The following ZFP37 variants were observed in gnomAD, a reference collection of about 807,000 sequenced individuals.
ZFP37 encodes the protein ZFP37 zinc finger protein.
ZFP37 carries 38 observed loss-of-function variants against 52.1 expected under a neutral mutation model. The observed-to-expected ratio is 0.73, with a 90% CI of 0.56 to 0.96. The LOEUF is 0.96. Ranked by LOEUF, ZFP37 falls within the 40% of genes least tolerant of loss-of-function variation. The probability of loss-of-function intolerance (pLI) is 0.00; values close to 1 mark genes in which losing one functional copy is unlikely to be tolerated. For missense variants in ZFP37, 695 were observed against 741.4 expected (o/e 0.94, Z 0.73); for synonymous variants, 253 against 259.5 (o/e 0.98, Z 0.24).
chr9:113,044,116 CAT>C lies in ZFP37; in HGVS notation c.500_501del (p.His167ArgfsTer9). 6.2e-7 allele frequency: 1 copy of C among 1,611,520 alleles called. No homozygotes were observed. The highest frequency in any genetic ancestry group is 8.5e-7 in the Non-Finnish European group (1 of 1,179,434). On this transcript the variant is annotated frameshift_variant, in exon 4 of 4. Transcript: ENST00000374227. LOFTEE classifies it high-confidence loss of function. ...TTAAGAAGCCTTTTCTTTGAAGGAACATGTTTTTTATGCAAATTATTTTTTTT... is the reference window on the plus strand; with the variant it reads ...TTAAGAAGCCTTTTCTTTGAAGGAACGTTTTTTATGCAAATTATTTTTTTT... ...LGKKNNLHKK[H>X]VPSKKRLLKF...
At position 113,056,607 on chromosome 9, in the gene ZFP37, C is replaced by A. The variant is rs749631653; in HGVS notation, c.82G>T (p.Ala28Ser). ...RRRSAETTKE[A>S]GRPLEMAVSE... ...ACAGCCATCTCCAGTGGTCGCCCGG[C>A]CTCTTTGGTCGTTTCCGCACTTCTC... The change falls in exon 1 of 4, where the codon GCC (alanine) becomes TCC (serine). Residue 28 changes from alanine to serine, a missense_variant. By Grantham distance (99) the Ala-to-Ser change is moderately conservative. Coordinates refer to ENST00000374227, the MANE Select transcript of ZFP37 (RefSeq NM_003408.3). 1.2e-6 allele frequency: 2 copies of A among 1,613,988 alleles called. No homozygotes were observed. The highest frequency in any genetic ancestry group is 1.7e-6 in the Non-Finnish European group (2 of 1,180,024).
In ZFP37 at chr9:113,049,487, G is replaced by C. The variant is rs781475245; in HGVS notation, c.224C>G (p.Ala75Gly). 101 of 1,612,778 alleles carry C rather than the reference G, an allele frequency of 6.3e-5. No individual in the cohort carries two copies. Among genetic ancestry groups the C allele is most frequent in the Non-Finnish European group, 8.3e-5 (98 of 1,179,318 alleles). Residue 75 changes from alanine (A) to glycine (G), a missense_variant, in exon 3 of 4, where the codon GCT becomes GGT. Coordinates refer to ENST00000374227, the MANE Select transcript of ZFP37 (RefSeq NM_003408.3). ...YCNQASMGCQ[A>G]PKPDMISKLE... The stretch of plus-strand genomic sequence containing the variant: ...CTTGGAGATCATGTCTGGTTTGGGA[G>C]CTTGACACCCTGCTCATGAGAAATA...
In ZFP37 at chr9:113,049,794, T is replaced by C. The variant is rs1310838876; in HGVS notation, c.211A>G (p.Met71Val). ...ATTACAAAGGAATTGTTCTTACCCA[T>C]TGAGGCTTGGTTGCAGTAGTTCTCC... ...MLENYCNQASMGCQAPKPDMI... is the reference protein window; with the variant it reads ...MLENYCNQASVGCQAPKPDMI... The change falls in exon 2 of 4, where the codon ATG becomes GTG. Residue 71 changes from methionine to valine, a missense_variant. Coordinates refer to ENST00000374227, the MANE Select transcript of ZFP37 (RefSeq NM_003408.3). 3.7e-6 allele frequency: 6 copies of C among 1,613,678 alleles called. No homozygotes were observed. Among genetic ancestry groups the C allele is most frequent in the East Asian group, 2.2e-5 (1 of 44,886 alleles).
rs759580199 is a variant in ZFP37 at position 113,049,850 on chromosome 9, G to T, written c.155C>A (p.Ala52Asp). 6.2e-7 allele frequency: 1 copy of T among 1,614,072 alleles called. No homozygotes were observed. The highest frequency in any genetic ancestry group is 8.5e-7 in the Non-Finnish European group (1 of 1,179,932). Reference protein sequence around the residue: ...SAAEWKQLDPAQSNLYNDVML... With the variant: ...SAAEWKQLDPDQSNLYNDVML... Reference sequence around the variant, plus strand: ...CACATCATTATACAGGTTGCTCTGAGCAGGATCCAGTTGCTTCCATTCCTT... The same window carrying T: ...CACATCATTATACAGGTTGCTCTGATCAGGATCCAGTTGCTTCCATTCCTT... Residue 52 changes from alanine (A) to aspartate (D), a missense_variant, in exon 2 of 4, where the codon GCT becomes GAT. Around this residue, in one of 2 missense-constraint regions of ZFP37, gnomAD observed 369 missense variants for 340.9 expected, o/e 1.08. Coordinates refer to ENST00000374227, the MANE Select transcript of ZFP37 (RefSeq NM_003408.3).
intron 1 of ZFP37, among the ~76,000 whole-genome samples, chr9:113,056,110 C>T (rs1829138607): frequency 1.3e-5 from 2 of 151,840 alleles, no homozygotes; most frequent in African/African-American, 4.8e-5. Context: ...ACTCCCAAGC[C>T]CCAATCTCTG....
chr9:113,043,175 T>TC lies in ZFP37; in HGVS notation c.1442dup (p.Thr482AsnfsTer4). 1 of 1,613,866 alleles carries TC rather than the reference T, an allele frequency of 6.2e-7. No individual in the cohort carries two copies. Among genetic ancestry groups the TC allele is most frequent in the Non-Finnish European group, 8.5e-7 (1 of 1,179,948 alleles). ...TATAAGGTTTCTCCTTAGTATGAGT[T>TC]CTTTGATGTATAATGAGGTGTGACT... On this transcript the variant is annotated frameshift_variant, in exon 4 of 4. Transcript: ENST00000374227. LOFTEE classifies it high-confidence loss of function.
chr9:113,043,652 T>C lies in ZFP37; in HGVS notation c.966A>G (p.Glu322=). ...TAAAGGCTATCCCACATTCATTACA[T>C]TCATATGGTTTCTCCCCAGTATGAA... ...QRVHTGEKPY[E]CNECGIAFSQ... Residue 322 remains glutamate, a synonymous_variant, in exon 4 of 4, where the codon GAA becomes GAG. Transcript: ENST00000374227. 6.2e-7 allele frequency: 1 copy of C among 1,614,092 alleles called. No homozygotes were observed. The highest frequency in any genetic ancestry group is 1.3e-5 in the African/African-American group (1 of 75,058).
chr9:113,054,798 T>C (rs1365502587), intron 1 of ZFP37, among the ~76,000 whole-genome samples: 1 of 152,260 alleles, frequency 6.6e-6, no homozygotes, highest in African/African-American at 2.4e-5. Flanking sequence ...TGATTTCATT[T>C]TGCTGCTACA....
Position 113,040,579 on chromosome 9 carries a change from AAATGAGGTCAGG to A in ZFP37, c.*2134_*2145del, listed in dbSNP as rs1435415396. 6.6e-6 allele frequency: 1 copy of A among 152,260 alleles called. No individual in the cohort carries two copies. Among genetic ancestry groups the A allele is most frequent in the African/African-American group, 2.4e-5 (1 of 41,478 alleles). 9.4% of individuals were successfully genotyped at this position (152,260 alleles called of 1,614,324 possible). ...TATATTAACACATTATAATTCTCTG[AAATGAGGTCAGG>A]AAGGAAGGAGCTTGAATGATAAATA... On this transcript the variant is annotated 3_prime_UTR_variant, in exon 4 of 4. Transcript: ENST00000374227.
chr9:113,044,227 A>G lies in ZFP37; in HGVS notation c.391T>C (p.Ser131Pro). ...ACTTCCCTGAGGAGTTTGTTTTGAG[A>G]TTTCTGGATATTTTCAAGCTGGTCA... ...DDDQLENIQK[S>P]QNKLLREVAV... The change falls in exon 4 of 4, where the codon TCT becomes CCT. Residue 131 changes from serine (S) to proline (P), a missense_variant. Around this residue, in one of 2 missense-constraint regions of ZFP37, gnomAD observed 369 missense variants for 340.9 expected, o/e 1.08. Transcript: ENST00000374227. The G allele has an allele frequency of 6.4e-7, 1 of 1,574,460 alleles. No individual in the cohort carries two copies. The highest frequency in any genetic ancestry group is 8.6e-7 in the Non-Finnish European group (1 of 1,167,982).
intron 1 of ZFP37, 140 bp from the exon 2 acceptor site, chr9:113,050,012 G>T: frequency 1.5e-6 from 2 of 1,331,176 alleles, no homozygotes; most frequent in Non-Finnish European, 2.0e-6. Context: ...ACTACTCACT[G>T]TTGATCATGA....
intron 1 of ZFP37, 76 bp downstream of exon 1, chr9:113,056,481 C>G (rs762832919): frequency 1.1e-5 from 18 of 1,575,646 alleles, no homozygotes; most frequent in Non-Finnish European, 1.5e-5. Context: ...CCTATCGTCA[C>G]AGACTACTCC....
chr9:113,040,084 G>A lies in ZFP37; in HGVS notation c.*2641C>T, dbSNP rs1476950533. On this transcript the variant is annotated 3_prime_UTR_variant, in exon 4 of 4. Coordinates refer to ENST00000374227, the MANE Select transcript of ZFP37 (RefSeq NM_003408.3). ...TACGTATCGATTCAGACTTACCACT[G>A]TGTGTCTGTTTTCCTATACTAACCT... The A allele has an allele frequency of 6.6e-6, 1 of 152,222 alleles. No homozygotes were observed. Among genetic ancestry groups the A allele is most frequent in the African/African-American group, 2.4e-5 (1 of 41,456 alleles). 9.4% of individuals were successfully genotyped at this position (152,222 alleles called of 1,614,324 possible).
chr9:113,039,214 C>T lies in ZFP37; in HGVS notation c.*3511G>A, dbSNP rs1828808962. Reference sequence around the variant, plus strand: ...GACCATCATAAGGCTTTGATGTATACTGTCAGATTTACATTTTGGTAGGTT... The same window carrying T: ...GACCATCATAAGGCTTTGATGTATATTGTCAGATTTACATTTTGGTAGGTT... On this transcript the variant is annotated 3_prime_UTR_variant, in exon 4 of 4. Transcript: ENST00000374227. 1 of 152,094 alleles carries T rather than the reference C, an allele frequency of 6.6e-6. No homozygotes were observed. Among genetic ancestry groups the T allele is most frequent in the Non-Finnish European group, 1.5e-5 (1 of 68,016 alleles). 9.4% of individuals were successfully genotyped at this position (152,094 alleles called of 1,614,324 possible). A position where few individuals can be genotyped will look rare whatever the true frequency, so the allele number is the denominator to read the frequency against.
At position 113,042,406 on chromosome 9, in the gene ZFP37, T is replaced by C. The variant is rs952092087; in HGVS notation, c.*319A>G. On this transcript the variant is annotated 3_prime_UTR_variant, in exon 4 of 4. Coordinates refer to ENST00000374227, the MANE Select transcript of ZFP37 (RefSeq NM_003408.3). The stretch of plus-strand genomic sequence containing the variant: ...AAAACAAGAAGAAACACAGGAACTG[T>C]CAGCATATATAACTTGTTTCTCCAT... The C allele has an allele frequency of 4.6e-6, 1 of 216,232 alleles. No homozygotes were observed. The highest frequency in any genetic ancestry group is 9.1e-6 in the Non-Finnish European group (1 of 110,170). The allele number at this position is 216,232 out of a possible 1,614,324, so 13.4% of individuals were successfully genotyped here.
At position 113,049,840 on chromosome 9, in the gene ZFP37, G is replaced by A. The variant is rs1380226041; in HGVS notation, c.165C>T (p.Asn55=). The part of the protein sequence containing the change: ...EWKQLDPAQS[N]LYNDVMLENY... ...TCTCCAGCATCACATCATTATACAG[G>A]TTGCTCTGAGCAGGATCCAGTTGCT... The change falls in exon 2 of 4, where the codon AAC becomes AAT. Residue 55 remains asparagine, a synonymous_variant. Coordinates refer to ENST00000374227, the MANE Select transcript of ZFP37 (RefSeq NM_003408.3). 3.1e-6 allele frequency: 5 copies of A among 1,614,040 alleles called. No individual in the cohort carries two copies. Among genetic ancestry groups the A allele is most frequent in the Non-Finnish European group, 3.4e-6 (4 of 1,179,934 alleles).
At chr9:113,054,190 T>C (rs1829104002) in intron 1 of ZFP37, among the ~76,000 whole-genome samples, 1 of 152,222 alleles carries the variant, frequency 6.6e-6, no homozygotes, top group Admixed American at 6.5e-5. Flanking sequence ...AGTCCTGCTT[T>C]TAGGACTCAA....
intron 1 of ZFP37, among the ~76,000 whole-genome samples, chr9:113,056,052 C>T (rs1829137202): frequency 6.1e-5 from 9 of 146,820 alleles, no homozygotes; most frequent in Admixed American, 6.1e-4. Flanking sequence ...TACCCACTGA[C>T]CCTCAAAGAT....
In ZFP37 at chr9:113,052,444, C is replaced by T. The variant is rs1041728009; in HGVS notation, c.133-2572G>A. Among the ~76,000 whole-genome samples, 1 of 152,102 alleles carries T rather than the reference C, an allele frequency of 6.6e-6. No homozygotes were observed. The highest frequency in any genetic ancestry group is 1.5e-5 in the Non-Finnish European group (1 of 68,022). ...TGATTTGCTAGGAGGACTCACATGA[C>T]TCAGTATATAATTGTACTCATAGCT... On this transcript the variant is annotated intron_variant, in intron 1 of 3. Coordinates refer to ENST00000374227, the MANE Select transcript of ZFP37 (RefSeq NM_003408.3). This position sits in a 1 kb window ranked among gnomAD's most constrained non-coding sequence, Gnocchi z 4.1.
Sources: gnomAD v4.1 joint callset for allele counts (sites outside exome capture counted in the v4.1 genomes callset) on GRCh38, gnomAD v4.1.1 for gene constraint, gnomAD v4.1.1 regional missense constraint, Gnocchi (gnomAD v3.1) non-coding constraint, MANE v1.5 for transcripts, NCBI Gene and HGNC (gene_info 2026-07-23, HGNC 2026-07-21) for gene names.